Variants in RSPO2 observed in about 807,000 individuals in gnomAD.
RSPO2 encodes R-spondin-2.
Under a neutral mutation model 30.9 loss-of-function variants are expected in RSPO2, and 14 were observed. The observed-to-expected ratio is 0.45, with a 90% CI of 0.30 to 0.71. RSPO2 has a LOEUF of 0.71. Ranked by LOEUF, RSPO2 falls within the 30% of genes least tolerant of loss-of-function variation. RSPO2 has a pLI of 0.08. For synonymous variants in RSPO2, 107 were observed against 96.4 expected (o/e 1.11, Z -0.64); for missense variants, 264 against 301.9 (o/e 0.87, Z 0.93).
chr8:108,006,979 A>T (rs2130575059), intron 2 of RSPO2, among the ~76,000 whole-genome samples: 1 of 152,310 alleles, frequency 6.6e-6, no homozygotes, highest in South Asian at 2.1e-4. Flanking sequence ...TACCTTCTAA[A>T]AATAAGAACA....
chr8:108,055,731 C>A (rs564576269), intron 2 of RSPO2, among the ~76,000 whole-genome samples: 45 of 152,190 alleles, frequency 3.0e-4, no homozygotes, highest in Non-Finnish European at 8.8e-5. Context: ...TACTAAATTT[C>A]TTGGGGATAA....
intron 4 of RSPO2, among the ~76,000 whole-genome samples, chr8:107,959,003 A>G (rs990634736): frequency 6.6e-6 from 1 of 152,230 alleles, no homozygotes; most frequent in East Asian, 1.9e-4. Context: ...TTCTAATGAC[A>G]CTAAAATGTG....
chr8:108,074,035 G>A (rs922308841), intron 2 of RSPO2, among the ~76,000 whole-genome samples: 19 of 152,136 alleles, frequency 1.2e-4, no homozygotes, highest in Middle Eastern at 3.4e-3. Context: ...GCTCTATATC[G>A]TCCCTCTACA....
intron 2 of RSPO2, among the ~76,000 whole-genome samples, chr8:107,990,703 T>C (rs1391827261): frequency 6.6e-6 from 1 of 152,150 alleles, no homozygotes; most frequent in Non-Finnish European, 1.5e-5. Flanking sequence ...GAAAAAACTA[T>C]GTTAAAATTC....
Position 108,083,590 on chromosome 8 carries a change from G to A in RSPO2, c.-563C>T, listed in dbSNP as rs1813284945. 1 of 152,390 alleles carries A rather than the reference G, an allele frequency of 6.6e-6. No homozygotes were observed. The highest frequency in any genetic ancestry group is 1.5e-5 in the Non-Finnish European group (1 of 68,160). The allele number at this position is 152,390 out of a possible 1,614,324, so 9.4% of individuals were successfully genotyped here. A position where few individuals can be genotyped will look rare whatever the true frequency, so the allele number is the denominator to read the frequency against. On this transcript the variant is annotated 5_prime_UTR_variant, in exon 1 of 6. Transcript: ENST00000276659. ...GGACGAAGTGATCCGAAGGGATGTG[G>A]CAAGCGCACTTTCCGATGGAGATGC...
intron 2 of RSPO2, among the ~76,000 whole-genome samples, chr8:108,055,527 C>T (rs1301614657): frequency 1.3e-5 from 2 of 152,014 alleles, no homozygotes; most frequent in Non-Finnish European, 2.9e-5. Context: ...TGGACAGGTT[C>T]GGAAGATGGT....
At chr8:108,060,933 T>C (rs1383375752) in intron 2 of RSPO2, among the ~76,000 whole-genome samples, 1 of 151,748 alleles carries the variant, frequency 6.6e-6, no homozygotes, top group Non-Finnish European at 1.5e-5. Context: ...CCAGCCAAAC[T>C]AAGCTTCATA....
At chr8:108,063,131 A>G (rs1357741468) in intron 2 of RSPO2, among the ~76,000 whole-genome samples, 1 of 151,844 alleles carries the variant, frequency 6.6e-6, no homozygotes, top group Non-Finnish European at 1.5e-5. Flanking sequence ...CAAGACAGGG[A>G]TGCCCTCTCT....
chr8:107,904,358 G>GAA (rs57669048), intron 5 of RSPO2, among the ~76,000 whole-genome samples: 46 of 139,992 alleles, frequency 3.3e-4, no homozygotes, highest in Admixed American at 6.4e-4. Context: ...AGGATCATTA[G>GAA]AAAAAAAAAA....
intron 5 of RSPO2, among the ~76,000 whole-genome samples, chr8:107,924,240 G>T (rs549063495): frequency 3.3e-5 from 5 of 152,026 alleles, no homozygotes; most frequent in Admixed American, 6.6e-5. Flanking sequence ...AATAAATTGA[G>T]ACACAAAAAG....
At chr8:108,020,870 C>G (rs1252684920) in intron 2 of RSPO2, among the ~76,000 whole-genome samples, 1 of 152,156 alleles carries the variant, frequency 6.6e-6, no homozygotes, top group African/African-American at 2.4e-5. Flanking sequence ...AATTACCTAG[C>G]TATATGTATG....
intron 2 of RSPO2, among the ~76,000 whole-genome samples, chr8:108,019,341 A>G (rs1586632762): frequency 6.6e-6 from 1 of 152,226 alleles, no homozygotes. Flanking sequence ...GTGACAGACC[A>G]AGACTCCAAC....
intron 5 of RSPO2, among the ~76,000 whole-genome samples, chr8:107,953,414 G>C (rs1003552964): frequency 5.3e-4 from 81 of 152,326 alleles, no homozygotes; most frequent in African/African-American, 1.7e-3. Context: ...AACAAGGCCA[G>C]TGGCTCAACA....
At chr8:107,913,288 C>G (rs903607498) in intron 5 of RSPO2, among the ~76,000 whole-genome samples, 2 of 152,088 alleles carry the variant, frequency 1.3e-5, no homozygotes, top group African/African-American at 4.8e-5. Flanking sequence ...TACTCTCTTC[C>G]CTTCTGTCAT....
At chr8:107,994,431 T>G (rs2130539302) in intron 2 of RSPO2, among the ~76,000 whole-genome samples, 1 of 152,120 alleles carries the variant, frequency 6.6e-6, no homozygotes, top group Admixed American at 6.6e-5. Context: ...TGGGACATGG[T>G]GGGAGAAGAC....
chr8:108,018,924 T>C (rs1304485940), intron 2 of RSPO2, among the ~76,000 whole-genome samples: 1 of 152,220 alleles, frequency 6.6e-6, no homozygotes, highest in Non-Finnish European at 1.5e-5. Context: ...GCATAGATGC[T>C]TGATAGAGTT....
intron 2 of RSPO2, among the ~76,000 whole-genome samples, chr8:107,989,709 A>C (rs552241743): frequency 3.3e-5 from 5 of 152,324 alleles, no homozygotes; most frequent in African/African-American, 1.2e-4. Context: ...AATATAATTC[A>C]TGAGACATCA....
At chr8:108,081,515 G>A (rs34657911) in intron 2 of RSPO2, among the ~76,000 whole-genome samples, 26,185 of 152,190 alleles carry the variant, frequency 0.17, 2,744 homozygotes, top group East Asian at 0.4. Flanking sequence ...GGGCTGCTGC[G>A]CGCCCTTCCT....
intron 2 of RSPO2, among the ~76,000 whole-genome samples, chr8:108,038,536 A>G (rs61167865): frequency 0.011 from 1,707 of 152,320 alleles, 33 homozygotes; most frequent in African/African-American, 0.04. Context: ...TATGGATAAG[A>G]CATTATCAAA....
Sources: gnomAD v4.1 joint callset for allele counts (sites outside exome capture counted in the v4.1 genomes callset) on GRCh38, gnomAD v4.1.1 for gene constraint, MANE v1.5 for transcripts, NCBI Gene and HGNC (gene_info 2026-07-23, HGNC 2026-07-21) for gene names.